SLC35E2B: variants seen among roughly 807,000 people sequenced by gnomAD.
The protein encoded by SLC35E2B is solute carrier family 35, member E2B.
A neutral mutation model predicts 32.4 loss-of-function variants in SLC35E2B; 18 were observed. The ratio of observed to expected loss-of-function variants is 0.56; its 90% CI spans 0.38 to 0.82. SLC35E2B has a LOEUF of 0.82. Ranked by LOEUF, SLC35E2B falls within the 40% of genes least tolerant of loss-of-function variation. The pLI, the probability that SLC35E2B is intolerant of heterozygous loss-of-function variation, is 0.00. For synonymous variants in SLC35E2B, 132 were observed against 209.1 expected (o/e 0.63, Z 3.18); for missense variants, 263 against 469.5 (o/e 0.56, Z 4.06).
chr1:1,666,334 GA>G (rs1406842924), intron 9 of SLC35E2B, among the ~76,000 whole-genome samples: 12 of 152,194 alleles, frequency 7.9e-5, no homozygotes, highest in Non-Finnish European at 1.6e-4. Context: ...CAGAGGAGGA[GA>G]AACCTAAGTA....
intron 2 of SLC35E2B, among the ~76,000 whole-genome samples, chr1:1,680,805 CTT>C (rs751698818): frequency 3.0e-4 from 42 of 141,286 alleles, no homozygotes; most frequent in Admixed American, 4.3e-4. Context: ...GCTGCTTATT[CTT>C]TTTTTTTTTT....
chr1:1,688,202 A>C (rs1420082531), intron 2 of SLC35E2B, among the ~76,000 whole-genome samples: 1 of 152,152 alleles, frequency 6.6e-6, no homozygotes, highest in East Asian at 1.9e-4. Context: ...TCCCAGCACA[A>C]AGTCAATCCA....
chr1:1,684,181 C>T (rs1184296487), intron 2 of SLC35E2B, among the ~76,000 whole-genome samples: 2 of 152,182 alleles, frequency 1.3e-5, no homozygotes, highest in African/African-American at 2.4e-5. Context: ...AGACAGCCCC[C>T]AGCCCGTCCT....
chr1:1,678,788 C>A (rs1038438689), intron 2 of SLC35E2B, among the ~76,000 whole-genome samples: 2 of 152,162 alleles, frequency 1.3e-5, no homozygotes, highest in Non-Finnish European at 2.9e-5. Flanking sequence ...AGCTAAACCT[C>A]CATGGGCTGC....
intron 2 of SLC35E2B, among the ~76,000 whole-genome samples, chr1:1,688,295 A>C (rs1012303619): frequency 1.3e-5 from 2 of 152,088 alleles, no homozygotes; most frequent in African/African-American, 2.4e-5. Flanking sequence ...TCACCAAGAG[A>C]CTAAAACTAC....
chr1:1,690,163 CCAGCTGCT>C (rs1644001603), intron 2 of SLC35E2B, among the ~76,000 whole-genome samples: 1 of 150,070 alleles, frequency 6.7e-6, no homozygotes, highest in Admixed American at 6.7e-5. Context: ...GCCTTTAACC[CCAGCTGCT>C]CAGGAGGCTG....
intron 1 of SLC35E2B, among the ~76,000 whole-genome samples, chr1:1,691,884 TC>T (rs1644019293): frequency 1.1e-5 from 1 of 89,168 alleles, no homozygotes; most frequent in Non-Finnish European, 2.1e-5. Flanking sequence ...CAGCCTGCAC[TC>T]CCAGATCCGC....
At chr1:1,678,485 C>G (rs906335637) in intron 2 of SLC35E2B, among the ~76,000 whole-genome samples, 3 of 152,074 alleles carry the variant, frequency 2.0e-5, no homozygotes, top group Non-Finnish European at 4.4e-5. Context: ...TCTGTGCACC[C>G]AGGTCTCCCC....
intron 2 of SLC35E2B, among the ~76,000 whole-genome samples, chr1:1,687,706 G>A (rs1384730939): frequency 6.7e-6 from 1 of 149,520 alleles, no homozygotes; most frequent in Non-Finnish European, 1.5e-5. Flanking sequence ...CTGCACTCCA[G>A]CCTGGGTGAT....
intron 6 of SLC35E2B, 45 bp downstream of exon 6, chr1:1,671,464 G>C (rs1385175879): frequency 2.2e-6 from 3 of 1,383,852 alleles, no homozygotes; most frequent in East Asian, 3.0e-5. Flanking sequence ...ATGCAGGTGA[G>C]CACCGGGTCT....
chr1:1,670,999 A>C (rs752989753), intron 6 of SLC35E2B: 1 of 152,242 alleles, frequency 6.6e-6, no homozygotes, highest in African/African-American at 2.4e-5. Flanking sequence ...CCGAGTGACA[A>C]AGACGTAAAT....
At chr1:1,674,854 G>A (rs1029608439) in intron 5 of SLC35E2B, among the ~76,000 whole-genome samples, 1 of 152,118 alleles carries the variant, frequency 6.6e-6, no homozygotes, top group African/African-American at 2.4e-5. Flanking sequence ...CCCCGACTCC[G>A]TTCAAGACGC....
In SLC35E2B at chr1:1,689,984, C is replaced by CT. The variant is rs1398933735; in HGVS notation, c.-148+991dup. Among the ~76,000 whole-genome samples the CT allele has an allele frequency of 1.2e-4, 15 of 124,452 alleles. 2 individuals are homozygous for CT. Among genetic ancestry groups the CT allele is most frequent in the Non-Finnish European group, 2.1e-4 (13 of 60,546 alleles). The allele number at this position is 124,452 out of a possible 152,430, so 81.6% of individuals were successfully genotyped here. A position where few individuals can be genotyped will look rare whatever the true frequency, so the allele number is the denominator to read the frequency against. The stretch of plus-strand genomic sequence containing the variant: ...CCTGGGCAACAGGGTGAGACCCTGT[C>CT]TCAAAAAAAAAAAAAAAAGGCCAGA... On this transcript the variant is annotated intron_variant, in intron 2 of 9. Transcript: ENST00000617444.
chr1:1,688,612 A>G (rs1252472505), intron 2 of SLC35E2B, among the ~76,000 whole-genome samples: 3 of 123,488 alleles, frequency 2.4e-5, no homozygotes, highest in African/African-American at 3.5e-5. Flanking sequence ...AAAAAAATAA[A>G]GCTTAGAAAC....
At position 1,665,877 on chromosome 1, in the gene SLC35E2B, G is replaced by A; in HGVS notation, c.1123C>T (p.Gln375Ter). Reference sequence around the variant, plus strand: ...GCAGCCAGGCTCTGCAGCGCCTCCTGCTGGTGTTGCCTGGCTTTGTTGTAG... The same window carrying A: ...GCAGCCAGGCTCTGCAGCGCCTCCTACTGGTGTTGCCTGGCTTTGTTGTAG... ...LLYNKARQHQ[Q>*]EALQSLAAAT... Residue 375 changes from glutamine (Q) to a stop codon, truncating the protein, a stop_gained, in exon 10 of 10, where the codon CAG (glutamine) becomes TAG (stop). Coordinates refer to ENST00000617444, the MANE Select transcript of SLC35E2B (RefSeq NM_001290264.2). LOFTEE classifies it high-confidence loss of function. The A allele has an allele frequency of 1.9e-6, 3 of 1,551,082 alleles. No homozygotes were observed. Among genetic ancestry groups the A allele is most frequent in the Non-Finnish European group, 2.6e-6 (3 of 1,146,990 alleles).
intron 5 of SLC35E2B, chr1:1,674,049 C>G (rs1643777106): frequency 5.4e-6 from 1 of 183,738 alleles, no homozygotes; most frequent in Non-Finnish European, 1.3e-5. Context: ...CCAGAACATC[C>G]AAGTCTGGCT....
chr1:1,692,407 A>T lies in SLC35E2B; in HGVS notation c.-566+42T>A, dbSNP rs1557770013. The T allele has an allele frequency of 3.0e-6, 3 of 995,506 alleles. No individual in the cohort carries two copies. The East Asian group carries it at 3.3e-4, about 110-fold the overall frequency. The allele number at this position is 995,506 out of a possible 1,614,324, so 61.7% of individuals were successfully genotyped here. A position where few individuals can be genotyped will look rare whatever the true frequency, so the allele number is the denominator to read the frequency against. ...ACCGAGCACCGAGCACGCAGCACCC[A>T]GCACCGATCACCGAGCAGAGCACCC... On this transcript the variant is annotated intron_variant, in intron 1 of 9. Transcript: ENST00000617444.
Position 1,662,816 on chromosome 1 carries a change from A to G in SLC35E2B, c.*2966T>C. ...GTTCTGTTCGTTTACAAAAGCACAG[A>G]CCACGACCATGGACACACCCAGTGG... On this transcript the variant is annotated 3_prime_UTR_variant, in exon 10 of 10. Transcript: ENST00000617444. 1 of 812,346 alleles carries G rather than the reference A, an allele frequency of 1.2e-6. No homozygotes were observed. The highest frequency in any genetic ancestry group is 1.5e-6 in the Non-Finnish European group (1 of 669,194). 50.3% of individuals were successfully genotyped at this position (812,346 alleles called of 1,614,324 possible).
intron 9 of SLC35E2B, 104 bp from the exon 10 acceptor site, chr1:1,666,123 G>T: frequency 7.4e-7 from 1 of 1,350,722 alleles, no homozygotes; most frequent in Non-Finnish European, 1.0e-6. Flanking sequence ...GGTGGGGTTG[G>T]GGGACTCAGC....
Sources: allele counts gnomAD v4.1 joint callset (sites outside exome capture counted in the v4.1 genomes callset), GRCh38; gene constraint gnomAD v4.1.1; transcripts MANE v1.5; gene names NCBI Gene and HGNC (gene_info 2026-07-23, HGNC 2026-07-21).